The following NPEPPS variants were observed in gnomAD, a reference collection of about 807,000 sequenced individuals.
NPEPPS encodes puromycin-sensitive aminopeptidase.
NPEPPS carries 14 observed loss-of-function variants against 115.5 expected under a neutral mutation model. The ratio of observed to expected loss-of-function variants is 0.12; its 90% confidence interval spans 0.08 to 0.19. NPEPPS has a LOEUF of 0.19. Among genes scored for constraint, NPEPPS ranks in the 10% least tolerant of loss-of-function variants. The pLI is 1.00. For missense variants in NPEPPS, 523 were observed against 1,110.8 expected, an observed-to-expected ratio of 0.47 and a Z score of 7.52; for synonymous variants, 285 against 390.6, an observed-to-expected ratio of 0.73 and a Z score of 3.19.
chr17:47,580,575 G>A (rs1911812500), intron 4 of NPEPPS: 2 of 152,144 alleles, frequency 1.3e-5, no homozygotes, highest in East Asian at 1.9e-4. Context: ...GGCACTCACA[G>A]CTAGCCCATG....
At chr17:47,597,706 G>C (rs1404951303) in intron 13 of NPEPPS, among the ~76,000 whole-genome samples, 2 of 152,034 alleles carry the variant, frequency 1.3e-5, no homozygotes, top group African/African-American at 2.4e-5. Flanking sequence ...TCTCAATGTG[G>C]CAATCTAAGT....
intron 5 of NPEPPS, among the ~76,000 whole-genome samples, 184 bp from the exon 6 acceptor site, chr17:47,585,316 T>C (rs1407846820): frequency 6.6e-6 from 1 of 152,182 alleles, no homozygotes; most frequent in Non-Finnish European, 1.5e-5. Flanking sequence ...ATGAGTGTTT[T>C]ATCAGACCAC....
rs149221714 is a variant in NPEPPS, at chr17:47,542,883, A to G, written c.256-3026A>G. Among the ~76,000 whole-genome samples the G allele has an allele frequency of 5.8e-3, 877 of 152,256 alleles. 5 individuals are homozygous for G. The highest frequency in any genetic ancestry group is 0.017 in the African/African-American group (706 of 41,548). On this transcript the variant is annotated intron_variant, in intron 1 of 22. Transcript: ENST00000322157. ...GCCAGGCGTGGTGGCTCACGTCTGT[A>G]ATCTCAGCACTTTGGGAGGCTGAGA...
At chr17:47,590,231 A>AAT (rs1171319664) in intron 9 of NPEPPS, among the ~76,000 whole-genome samples, 1 of 152,038 alleles carries the variant, frequency 6.6e-6, no homozygotes, top group Admixed American at 6.6e-5. Context: ...ATGTTTTGAA[A>AAT]ATATCCTTTA....
chr17:47,621,976 G>A lies in NPEPPS; in HGVS notation c.*56G>A. The A allele has an allele frequency of 6.6e-7, 1 of 1,507,850 alleles. No individual in the cohort carries two copies. Among genetic ancestry groups the A allele is most frequent in the Non-Finnish European group, 8.9e-7 (1 of 1,119,128 alleles). 93.4% of individuals were successfully genotyped at this position (1,507,850 alleles called of 1,614,324 possible). A position where few individuals can be genotyped will look rare whatever the true frequency, so the allele number is the denominator to read the frequency against. ...TGCTTCGCTGCAGGGATAAGGTGGA[G>A]CTACCGAACAGCTGATTCATATGCC... On this transcript the variant is annotated 3_prime_UTR_variant, in exon 23 of 23. Transcript: ENST00000322157.
At chr17:47,554,165 C>T (rs1012599999) in intron 2 of NPEPPS, among the ~76,000 whole-genome samples, 10 of 151,402 alleles carry the variant, frequency 6.6e-5, no homozygotes, top group African/African-American at 1.9e-4. Context: ...CTCAGCCTCC[C>T]AAGTAGCTGG....
intron 3 of NPEPPS, among the ~76,000 whole-genome samples, chr17:47,570,305 C>T (rs1723299070): frequency 6.6e-6 from 1 of 152,076 alleles, no homozygotes; most frequent in South Asian, 2.1e-4. Context: ...CCCTATAATC[C>T]CAGCTACTCA....
intron 3 of NPEPPS, among the ~76,000 whole-genome samples, chr17:47,571,975 C>A (rs1385581553): frequency 2.6e-5 from 4 of 152,036 alleles, no homozygotes; most frequent in Admixed American, 2.0e-4. Flanking sequence ...TCATATGCAG[C>A]CATATCACCA....
chr17:47,584,667 C>T (rs1411556697), intron 5 of NPEPPS, among the ~76,000 whole-genome samples: 2 of 152,094 alleles, frequency 1.3e-5, no homozygotes, highest in Non-Finnish European at 2.9e-5. Context: ...CTTGAGGAAA[C>T]AGAGCCTGAA....
intron 17 of NPEPPS, among the ~76,000 whole-genome samples, chr17:47,607,460 G>A (rs1913584443): frequency 6.6e-6 from 1 of 152,198 alleles, no homozygotes; most frequent in African/African-American, 2.4e-5. Flanking sequence ...AGGGCAATGG[G>A]AGACCTTTCT....
intron 3 of NPEPPS, among the ~76,000 whole-genome samples, chr17:47,575,942 C>A (rs1484061725): frequency 6.6e-6 from 1 of 152,092 alleles, no homozygotes; most frequent in African/African-American, 2.4e-5. Context: ...TGTTTGAAAT[C>A]ATTGGCTTTC....
chr17:47,558,272 CTT>C (rs1910192722), intron 2 of NPEPPS, among the ~76,000 whole-genome samples: 2 of 152,038 alleles, frequency 1.3e-5, no homozygotes, highest in African/African-American at 2.4e-5. Context: ...GGATTACAGG[CTT>C]GTGCCACCAT....
At chr17:47,618,005 C>T (rs954732547) in intron 19 of NPEPPS, among the ~76,000 whole-genome samples, 1 of 152,078 alleles carries the variant, frequency 6.6e-6, no homozygotes, top group African/African-American at 2.4e-5. Flanking sequence ...TCCCAAGTAG[C>T]TGGGATTACA....
intron 8 of NPEPPS, chr17:47,586,697 C>G: frequency 1.9e-6 from 1 of 514,050 alleles, no homozygotes; most frequent in Non-Finnish European, 3.8e-6. Flanking sequence ...GGAGAACCTT[C>G]CCTAATTTCA....
chr17:47,571,784 T>G (rs912034598), intron 3 of NPEPPS, among the ~76,000 whole-genome samples: 1 of 152,140 alleles, frequency 6.6e-6, no homozygotes, highest in Non-Finnish European at 1.5e-5. Flanking sequence ...TATTGAAGAA[T>G]ATAATTTGAA....
At chr17:47,599,048 A>G (rs1195004291) in intron 13 of NPEPPS, among the ~76,000 whole-genome samples, 1 of 152,166 alleles carries the variant, frequency 6.6e-6, no homozygotes, top group Non-Finnish European at 1.5e-5. Context: ...TGTTGCTCTT[A>G]ATTCTTTTAA....
At chr17:47,595,133 G>A (rs1183052287) in intron 12 of NPEPPS, among the ~76,000 whole-genome samples, 1 of 152,110 alleles carries the variant, frequency 6.6e-6, no homozygotes, top group Non-Finnish European at 1.5e-5. Context: ...GTTTCACCAT[G>A]TTGGCCAGGC....
At chr17:47,545,012 AT>A (rs1909094867) in intron 1 of NPEPPS, among the ~76,000 whole-genome samples, 1 of 149,044 alleles carries the variant, frequency 6.7e-6, no homozygotes, top group South Asian at 2.1e-4. Context: ...GCCTATTTTT[AT>A]TTTTTGAGAC....
At chr17:47,549,120 G>A (rs1909447500) in intron 2 of NPEPPS, among the ~76,000 whole-genome samples, 1 of 151,586 alleles carries the variant, frequency 6.6e-6, no homozygotes, top group African/African-American at 2.4e-5. Flanking sequence ...TGTGGCGGGT[G>A]GATCATGACG....
Sources: gnomAD v4.1 joint callset for allele counts (sites outside exome capture counted in the v4.1 genomes callset) on GRCh38, gnomAD v4.1.1 for gene constraint, MANE v1.5 for transcripts, NCBI Gene and HGNC (gene_info 2026-07-23, HGNC 2026-07-21) for gene names.